FGD4: variants seen among roughly 807,000 people sequenced by gnomAD.
The protein encoded by FGD4 is FYVE, RhoGEF and PH domain-containing protein 4.
In FGD4, 42 loss-of-function variants were observed where a neutral mutation model predicts 102.0. That is an observed-to-expected ratio of 0.41 (90% CI 0.32 to 0.53). The LOEUF (loss-of-function observed/expected upper bound fraction) is 0.53, where lower values mean the gene tolerates loss of function less well. Among genes scored for constraint, FGD4 ranks in the 20% least tolerant of loss-of-function variants. The pLI, the probability that FGD4 is intolerant of heterozygous loss-of-function variation, is 0.21. For missense variants in FGD4, 902 were observed against 1,078.2 expected (o/e 0.84, Z 2.29); for synonymous variants, 380 against 375.7 (o/e 1.01, Z -0.13).
chr12:32,481,224 G>A (rs956586435), intron 1 of FGD4, among the ~76,000 whole-genome samples: 3 of 149,734 alleles, frequency 2.0e-5, no homozygotes, highest in Non-Finnish European at 3.0e-5. Flanking sequence ...GGATCATGAG[G>A]TCAGGAGATC....
chr12:32,563,034 G>C (rs1944771173), intron 1 of FGD4, among the ~76,000 whole-genome samples: 1 of 151,182 alleles, frequency 6.6e-6, no homozygotes, highest in Non-Finnish European at 1.5e-5. Context: ...CGGCTGGCCG[G>C]GCGGGGGGCT....
intron 1 of FGD4, among the ~76,000 whole-genome samples, chr12:32,412,642 C>T (rs189350272): frequency 5.3e-5 from 8 of 152,240 alleles, no homozygotes; most frequent in African/African-American, 1.9e-4. Context: ...TGGAGTCTCG[C>T]GCCATCGCCA....
intron 7 of FGD4, among the ~76,000 whole-genome samples, chr12:32,607,548 C>T (rs1393612235): frequency 2.0e-5 from 3 of 152,196 alleles, no homozygotes; most frequent in Non-Finnish European, 4.4e-5. Flanking sequence ...CGGAGTCTCA[C>T]TCTGTCACCC....
intron 1 of FGD4, among the ~76,000 whole-genome samples, chr12:32,464,115 C>T (rs575016652): frequency 2.6e-5 from 4 of 152,008 alleles, no homozygotes; most frequent in Non-Finnish European, 5.9e-5. Context: ...CCCAGTGAAA[C>T]GTTATGTATG....
intron 1 of FGD4, among the ~76,000 whole-genome samples, chr12:32,405,586 A>C (rs564878104): frequency 6.6e-6 from 1 of 152,132 alleles, no homozygotes; most frequent in Non-Finnish European, 1.5e-5. Context: ...ATGAATAGCC[A>C]TGTAAACTTG....
chr12:32,571,515 T>C (rs981371186), intron 2 of FGD4, among the ~76,000 whole-genome samples: 9 of 151,818 alleles, frequency 5.9e-5, no homozygotes, highest in African/African-American at 1.9e-4. Context: ...ACAAGAAGTA[T>C]TGAGCTGAAA....
intron 1 of FGD4, among the ~76,000 whole-genome samples, chr12:32,434,114 A>G (rs1319426375): frequency 1.3e-5 from 2 of 152,154 alleles, no homozygotes; most frequent in African/African-American, 4.8e-5. Flanking sequence ...TCAGCCTCCC[A>G]AAGTGCTGGG....
intron 1 of FGD4, among the ~76,000 whole-genome samples, chr12:32,561,154 A>G (rs1944551633): frequency 7.8e-6 from 1 of 127,866 alleles, no homozygotes; most frequent in South Asian, 2.5e-4. Context: ...GTGCGATCTC[A>G]GCTCACTGCA....
Position 32,540,807 on chromosome 12 carries a change from C to A in FGD4, c.167-23330C>A, listed in dbSNP as rs549578617. The stretch of plus-strand genomic sequence containing the variant: ...CTCGAACTCCTGACTTCAGGTGATT[C>A]GCCCGCCTCTGCCTCCCAAAGCGCT... On this transcript the variant is annotated intron_variant, in intron 1 of 16. Coordinates refer to ENST00000534526, the MANE Select transcript of FGD4 (RefSeq NM_001370298.3). 2.6e-5 allele frequency among the ~76,000 whole-genome samples: 4 copies of A among 152,162 alleles called. 1 individual carries two copies. Among genetic ancestry groups the A allele is most frequent in the Admixed American group, 2.6e-4 (4 of 15,274 alleles).
intron 1 of FGD4, among the ~76,000 whole-genome samples, chr12:32,465,234 TAAAC>T (rs1045154220): frequency 2.6e-5 from 4 of 151,532 alleles, no homozygotes; most frequent in African/African-American, 7.3e-5. Flanking sequence ...ACTGATAACA[TAAAC>T]AGTCGATTAA....
chr12:32,628,752 C>T (rs1243741395), intron 14 of FGD4, among the ~76,000 whole-genome samples: 2 of 152,070 alleles, frequency 1.3e-5, no homozygotes, highest in Non-Finnish European at 2.9e-5. Context: ...CGCCATTGCA[C>T]TCCAGCCTGG....
At chr12:32,527,916 G>C (rs1235754360) in intron 1 of FGD4, among the ~76,000 whole-genome samples, 1 of 152,128 alleles carries the variant, frequency 6.6e-6, no homozygotes, top group African/African-American at 2.4e-5. Flanking sequence ...TGGTGGAAGA[G>C]AATCAAGGGA....
intron 1 of FGD4, among the ~76,000 whole-genome samples, chr12:32,437,823 T>C (rs1942287296): frequency 1.3e-5 from 2 of 152,314 alleles, no homozygotes; most frequent in South Asian, 2.1e-4. Flanking sequence ...ACTGATAACA[T>C]TCTTGGCCAC....
At chr12:32,503,031 AC>A (rs1938364947) in intron 1 of FGD4, among the ~76,000 whole-genome samples, 1 of 152,196 alleles carries the variant, frequency 6.6e-6, no homozygotes, top group South Asian at 2.1e-4. Flanking sequence ...TTGGGTCCTA[AC>A]AAATGGATGA....
intron 1 of FGD4, among the ~76,000 whole-genome samples, chr12:32,471,134 C>T (rs1268886465): frequency 1.3e-5 from 2 of 152,164 alleles, no homozygotes; most frequent in Non-Finnish European, 2.9e-5. Context: ...GCCAACCTTC[C>T]CCCCAACCCC....
intron 1 of FGD4, among the ~76,000 whole-genome samples, chr12:32,551,773 A>G (rs1038773397): frequency 6.6e-6 from 1 of 152,194 alleles, no homozygotes; most frequent in Non-Finnish European, 1.5e-5. Flanking sequence ...TTTCAGGCCT[A>G]TCTGCACAGT....
intron 1 of FGD4, among the ~76,000 whole-genome samples, chr12:32,421,277 C>T (rs1224803221): frequency 6.6e-6 from 1 of 152,228 alleles, no homozygotes; most frequent in Non-Finnish European, 1.5e-5. Flanking sequence ...TGTGTGTCTA[C>T]ACCATTCATA....
chr12:32,621,369 A>G lies in FGD4; in HGVS notation c.1922+1499A>G, dbSNP rs1405287892. Among the ~76,000 whole-genome samples, 3 of 152,164 alleles carry G rather than the reference A, an allele frequency of 2.0e-5. No individual in the cohort carries two copies. The East Asian group carries it at 5.8e-4, about 29-fold the overall frequency. ...CTGGTAAAAATTTGGATGCTTCAGG[A>G]GGTCACAGAGCAGAGGGTGAAGAAC... On this transcript the variant is annotated intron_variant, in intron 11 of 16. Transcript: ENST00000534526.
chr12:32,551,402 T>C (rs1036197313), intron 1 of FGD4, among the ~76,000 whole-genome samples: 1 of 152,216 alleles, frequency 6.6e-6, no homozygotes, highest in African/African-American at 2.4e-5. Flanking sequence ...TAGAATTTAA[T>C]ACTTGAATCC....
Sources: gnomAD v4.1 joint callset for allele counts (sites outside exome capture counted in the v4.1 genomes callset) on GRCh38, gnomAD v4.1.1 for gene constraint, MANE v1.5 for transcripts, NCBI Gene and HGNC (gene_info 2026-07-23, HGNC 2026-07-21) for gene names.